Variants in SRI observed in about 807,000 individuals in gnomAD.
SRI encodes the protein sorcin, also known as 22 kDa protein.
A neutral mutation model predicts 33.3 loss-of-function variants in SRI; 30 were observed. That is an observed-to-expected ratio of 0.90 (90% CI 0.67 to 1.22). The LOEUF (loss-of-function observed/expected upper bound fraction) is 1.22, where lower values mean the gene tolerates loss of function less well. Among genes scored for constraint, SRI ranks in the 50% most tolerant of loss-of-function variants. The pLI, the probability that SRI is intolerant of heterozygous loss-of-function variation, is 0.00. For missense variants in SRI, 243 were observed against 250.8 expected (o/e 0.97, Z 0.21); for synonymous variants, 75 against 89.9 (o/e 0.83, Z 0.94).
At chr7:88,219,552 GTTT>G in intron 1 of SRI, 1 of 189,836 alleles carries the variant, frequency 5.3e-6, no homozygotes, top group Non-Finnish European at 1.0e-5. Context: ...TTGTTTGTTT[GTTT>G]GTTTGTTTGT....
upstream of SRI, among the ~76,000 whole-genome samples, chr7:88,224,229 A>C (rs2115832231): frequency 6.6e-6 from 1 of 152,330 alleles, no homozygotes; most frequent in East Asian, 1.9e-4. Flanking sequence ...TTCCCTAATT[A>C]TGTTTTCAAG....
Position 88,220,017 on chromosome 7 carries a change from G to A in SRI, c.10C>T (p.Pro4Ser), listed in dbSNP as rs1226229358. 3 of 1,532,952 alleles carry A rather than the reference G, an allele frequency of 2.0e-6. No individual in the cohort carries two copies. The highest frequency in any genetic ancestry group is 2.6e-6 in the Non-Finnish European group (3 of 1,145,276). 95.0% of individuals were successfully genotyped at this position (1,532,952 alleles called of 1,614,324 possible). Residue 4 changes from proline (P) to serine (S), a missense_variant, in exon 1 of 8, where the codon CCG becomes TCG. Pro to Ser is a moderately conservative substitution (Grantham distance 74). Coordinates refer to ENST00000265729, the MANE Select transcript of SRI (RefSeq NM_003130.4). MAY[P>S]GHPGAGGGYY... ...CCGCCGCCGGCGCCAGGATGCCCCG[G>A]GTACGCCATGCTGCAGACTGCGCCG...
At chr7:88,219,830 G>A (rs1851839395) in intron 1 of SRI, 146 bp downstream of exon 1, 4 of 995,214 alleles carry the variant, frequency 4.0e-6, no homozygotes, top group Non-Finnish European at 5.8e-6. Flanking sequence ...CTAGGGCGAG[G>A]CCGCGAGCGC....
intron 3 of SRI, among the ~76,000 whole-genome samples, chr7:88,215,611 C>T (rs533400418): frequency 2.0e-5 from 3 of 152,162 alleles, no homozygotes; most frequent in South Asian, 2.1e-4. Context: ...AAAGGTTCTT[C>T]GTTTGTATTA....
intron 2 of SRI, 133 bp from the exon 3 acceptor site, chr7:88,217,324 T>A (rs982325187): frequency 2.1e-5 from 16 of 754,064 alleles, no homozygotes; most frequent in African/African-American, 5.3e-5. Flanking sequence ...GCCTTTTTTT[T>A]ATTAAAAGGA....
At chr7:88,217,313 T>A in intron 2 of SRI, 122 bp from the exon 3 acceptor site, 1 of 834,344 alleles carries the variant, frequency 1.2e-6, no homozygotes, top group Non-Finnish European at 1.9e-6. Flanking sequence ...TTAAAAGGAA[T>A]GCCTTTTTTT....
At chr7:88,211,024 CTT>C (rs752510608) in intron 3 of SRI, 99 bp from the exon 4 acceptor site, 5 of 956,554 alleles carry the variant, frequency 5.2e-6, no homozygotes, top group Middle Eastern at 2.9e-4. Flanking sequence ...TTATTATACA[CTT>C]TTATTTTTAT....
chr7:88,206,351 A>C lies in SRI; in HGVS notation c.*127T>G. ...AAACTTCAGTTGTACATAAAGTAAT[A>C]AACTTTACAACAGCTGTTAAGAGAA... On this transcript the variant is annotated 3_prime_UTR_variant, in exon 8 of 8. Transcript: ENST00000265729. The C allele has an allele frequency of 9.0e-7, 1 of 1,111,968 alleles. No individual in the cohort carries two copies. The highest frequency in any genetic ancestry group is 1.4e-6 in the Non-Finnish European group (1 of 726,264). The allele number at this position is 1,111,968 out of a possible 1,614,324, so 68.9% of individuals were successfully genotyped here. A position where few individuals can be genotyped will look rare whatever the true frequency, so the allele number is the denominator to read the frequency against.
intron 1 of SRI, among the ~76,000 whole-genome samples, chr7:88,225,933 A>C (rs1317018823): frequency 2.6e-5 from 4 of 152,214 alleles, no homozygotes; most frequent in African/African-American, 9.6e-5. Context: ...AGCTAAAGGG[A>C]GGTCAAGAAA....
chr7:88,219,873 A>T (rs1264631294), intron 1 of SRI, 103 bp downstream of exon 1: 2 of 1,390,592 alleles, frequency 1.4e-6, no homozygotes, highest in Non-Finnish European at 1.9e-6. Flanking sequence ...GAGCCCGGGT[A>T]GCCGCCCAGC....
intron 3 of SRI, among the ~76,000 whole-genome samples, chr7:88,212,985 G>A (rs1423423813): frequency 6.6e-6 from 1 of 152,196 alleles, no homozygotes; most frequent in Non-Finnish European, 1.5e-5. Context: ...GAGGCAGACA[G>A]CTTCTCTGTC....
rs565396935 is a variant in SRI, at chr7:88,208,593, G to T, written c.512-28C>A. The stretch of plus-strand genomic sequence containing the variant: ...GTAAAACAACACAGTAAAATTTATG[G>T]TTTTTCTTTAAATGGTTTTTCTAAA... On this transcript the variant is annotated intron_variant, in intron 6 of 7. Coordinates refer to ENST00000265729, the MANE Select transcript of SRI (RefSeq NM_003130.4). The T allele has an allele frequency of 1.3e-5, 21 of 1,612,940 alleles. No homozygotes were observed. In the South Asian group the frequency reaches 1.8e-4, roughly 14 times the overall value.
At chr7:88,219,882 G>A in intron 1 of SRI, 94 bp downstream of exon 1, 1 of 1,444,968 alleles carries the variant, frequency 6.9e-7, no homozygotes, top group South Asian at 1.3e-5. Flanking sequence ...TAGCCGCCCA[G>A]CAGCGCCTCA....
chr7:88,221,718 AG>A (rs1434696417), upstream of SRI, among the ~76,000 whole-genome samples: 1 of 152,078 alleles, frequency 6.6e-6, no homozygotes, highest in African/African-American at 2.4e-5. Context: ...TTTAAGTTTT[AG>A]GGTACATGTG....
upstream of SRI, among the ~76,000 whole-genome samples, chr7:88,220,340 A>C (rs1488142697): frequency 2.8e-5 from 4 of 143,118 alleles, no homozygotes; most frequent in African/African-American, 5.3e-5. Context: ...CAACACCAAT[A>C]CACCACCCCA....
intron 1 of SRI, 136 bp downstream of exon 1, chr7:88,219,840 C>T (rs1028593520): frequency 1.8e-6 from 2 of 1,091,102 alleles, no homozygotes; most frequent in African/African-American, 1.6e-5. Context: ...GCCGCGAGCG[C>T]AGGGAGAAGC....
intron 3 of SRI, among the ~76,000 whole-genome samples, chr7:88,215,972 C>G (rs1246617408): frequency 6.6e-6 from 1 of 152,186 alleles, no homozygotes; most frequent in African/African-American, 2.4e-5. Flanking sequence ...GAGAAGCCCC[C>G]AGTTGGGATG....
chr7:88,218,258 C>T (rs1851782619), intron 2 of SRI, among the ~76,000 whole-genome samples: 1 of 152,148 alleles, frequency 6.6e-6, no homozygotes, highest in African/African-American at 2.4e-5. Context: ...ACTCAGAATG[C>T]AGACAAGTGA....
chr7:88,221,778 G>A (rs1055400998), upstream of SRI, among the ~76,000 whole-genome samples: 17 of 151,288 alleles, frequency 1.1e-4, no homozygotes, highest in African/African-American at 2.9e-4. Context: ...ATGCTGGTGC[G>A]CTGCACCCAC....
Sources: gnomAD v4.1 joint callset for allele counts (sites outside exome capture counted in the v4.1 genomes callset) on GRCh38, gnomAD v4.1.1 for gene constraint, MANE v1.5 for transcripts, NCBI Gene and HGNC (gene_info 2026-07-23, HGNC 2026-07-21) for gene names.